Variants in CHD1L observed in about 807,000 individuals in gnomAD.
The protein encoded by CHD1L is chromodomain helicase DNA binding protein 1 like.
In CHD1L, 118 loss-of-function variants were observed where a neutral mutation model predicts 115.9. The ratio of observed to expected loss-of-function variants is 1.02; its 90% CI spans 0.88 to 1.19. The LOEUF is 1.19. Ranked by LOEUF, CHD1L falls within the 50% of genes most tolerant of loss-of-function variation. The probability of loss-of-function intolerance (pLI) is 0.00; values close to 1 mark genes in which losing one functional copy is unlikely to be tolerated. For missense variants in CHD1L, 1,179 were observed against 1,065.3 expected, an observed-to-expected ratio of 1.11 and a Z score of -1.49; for synonymous variants, 411 against 387.1, an observed-to-expected ratio of 1.06 and a Z score of -0.72.
At chr1:147,204,984 AC>A in the CHD1L span, 12 of 1,077,916 alleles carry the variant, frequency 1.1e-5, no homozygotes, top group Non-Finnish European at 1.6e-5. Context: ...CCGCGGAGGA[AC>A]CAAAGGTTTT....
chr1:147,279,301 C>T (rs904505963), intron 14 of CHD1L, among the ~76,000 whole-genome samples: 5 of 152,080 alleles, frequency 3.3e-5, no homozygotes, highest in African/African-American at 9.7e-5. Flanking sequence ...TTAGTGCTTA[C>T]GGAGGTGCAA....
intron 8 of CHD1L, among the ~76,000 whole-genome samples, chr1:147,266,972 C>T (rs1475394154): frequency 3.3e-5 from 5 of 152,084 alleles, no homozygotes; most frequent in East Asian, 1.9e-4. Flanking sequence ...CCATGGTTTC[C>T]AATATCCACT....
chr1:147,234,505 C>T, the CHD1L span, among the ~76,000 whole-genome samples: 27 of 152,308 alleles, frequency 1.8e-4, no homozygotes, highest in African/African-American at 4.8e-4. Context: ...TGTCCTAAGC[C>T]GCAGAACCTG....
At chr1:147,184,595 A>T in the CHD1L span, 738 of 1,548,408 alleles carry the variant, frequency 4.8e-4, 7 homozygotes, top group Middle Eastern at 4.5e-3. This position sits in a 1 kb window ranked among gnomAD's most constrained non-coding sequence, Gnocchi z 4.4. Context: ...AATATTCTTC[A>T]ACTTGGGTTT....
At chr1:147,277,796 A>G (rs1457095118) in intron 14 of CHD1L, among the ~76,000 whole-genome samples, 1 of 152,166 alleles carries the variant, frequency 6.6e-6, no homozygotes, top group Non-Finnish European at 1.5e-5. Context: ...TAAGAGAGAG[A>G]AGGTCACTGC....
chr1:147,193,109 G>T, the CHD1L span, among the ~76,000 whole-genome samples: 2 of 152,094 alleles, frequency 1.3e-5, no homozygotes, highest in East Asian at 3.9e-4. Flanking sequence ...TGTACCTCTG[G>T]TAGAATTCGG....
chr1:147,264,467 A>G lies in CHD1L; in HGVS notation c.622A>G (p.Asn208Asp). ...CCTGTTGACCGGAACTCCCATCCAG[A>G]ACAGCCTCCAAGAGCTCTACTCCCT... ...SLLLTGTPIQNSLQELYSLLS... is the reference protein window; with the variant it reads ...SLLLTGTPIQDSLQELYSLLS... The change falls in exon 7 of 23, where the codon AAC becomes GAC. Residue 208 changes from asparagine (N) to aspartate (D), a missense_variant. Physicochemically the swap from Asn to Asp is conservative, Grantham distance 23. Transcript: ENST00000369258. 6.2e-7 allele frequency: 1 copy of G among 1,613,746 alleles called. No homozygotes were observed. The highest frequency in any genetic ancestry group is 8.5e-7 in the Non-Finnish European group (1 of 1,179,818).
At chr1:147,193,362 T>G in the CHD1L span, among the ~76,000 whole-genome samples, 1 of 152,274 alleles carries the variant, frequency 6.6e-6, no homozygotes, top group Non-Finnish European at 1.5e-5. Context: ...GATATCCCCT[T>G]TATCATTTTT....
chr1:147,290,804 A>G (rs1229180114), intron 19 of CHD1L, among the ~76,000 whole-genome samples: 3 of 151,726 alleles, frequency 2.0e-5, no homozygotes, highest in South Asian at 2.1e-4. Context: ...CAGGTTCACA[A>G]CACCAAACCT....
At chr1:147,258,582 ACTCT>A (rs1453508665) in intron 5 of CHD1L, among the ~76,000 whole-genome samples, 2 of 151,950 alleles carry the variant, frequency 1.3e-5, no homozygotes, top group Non-Finnish European at 2.9e-5. Flanking sequence ...GACTTCCTGC[ACTCT>A]CTTTGGACCC....
intron 19 of CHD1L, 36 bp downstream of exon 19, chr1:147,287,769 A>G: frequency 6.4e-7 from 1 of 1,564,922 alleles, no homozygotes; most frequent in Non-Finnish European, 8.8e-7. Flanking sequence ...TTAAGGGTGG[A>G]ATAAGAGAGA....
chr1:147,287,965 A>T (rs747378436), intron 19 of CHD1L, among the ~76,000 whole-genome samples: 2 of 152,004 alleles, frequency 1.3e-5, no homozygotes, highest in Admixed American at 1.3e-4. Context: ...TGCCTACTTC[A>T]TAGAACTGTA....
intron 12 of CHD1L, among the ~76,000 whole-genome samples, chr1:147,274,858 TATA>T (rs1235345653): frequency 2.6e-5 from 4 of 152,016 alleles, no homozygotes; most frequent in Non-Finnish European, 5.9e-5. Flanking sequence ...TGCTCAGGAG[TATA>T]ATATCATCCA....
At chr1:147,232,822 G>A in the CHD1L span, among the ~76,000 whole-genome samples, 2 of 152,196 alleles carry the variant, frequency 1.3e-5, no homozygotes, top group Admixed American at 6.5e-5. Flanking sequence ...CCAGGCTGGA[G>A]TGCAGTGGCG....
the CHD1L span, chr1:147,212,406 TG>T: frequency 6.2e-7 from 1 of 1,614,058 alleles, no homozygotes; most frequent in Non-Finnish European, 8.5e-7. Context: ...CTTGGCTGTT[TG>T]GCTAATCTCT....
At chr1:147,199,446 T>G in the CHD1L span, among the ~76,000 whole-genome samples, 2 of 152,212 alleles carry the variant, frequency 1.3e-5, no homozygotes, top group African/African-American at 2.4e-5. Context: ...GAATTAGCAC[T>G]AGGCTTCTGC....
At chr1:147,288,079 CT>C (rs1410799941) in intron 19 of CHD1L, among the ~76,000 whole-genome samples, 1 of 151,976 alleles carries the variant, frequency 6.6e-6, no homozygotes, top group Non-Finnish European at 1.5e-5. Context: ...TAATCCCAGA[CT>C]TTGGGAGGCT....
In CHD1L at chr1:147,262,616, T is replaced by C. The variant is rs587645226; in HGVS notation, c.577-1806T>C. Reference sequence around the variant, plus strand: ...AACTGATGATTGGAAACATTACTTTTGACAAGTTCCCATACTTGAAATACT... The same window carrying C: ...AACTGATGATTGGAAACATTACTTTCGACAAGTTCCCATACTTGAAATACT... On this transcript the variant is annotated intron_variant, in intron 6 of 22. Coordinates refer to ENST00000369258, the MANE Select transcript of CHD1L (RefSeq NM_004284.6). Among the ~76,000 whole-genome samples, 3 of 152,204 alleles carry C rather than the reference T, an allele frequency of 2.0e-5. No individual in the cohort carries two copies. The East Asian group carries it at 5.8e-4, about 29-fold the overall frequency.
At chr1:147,276,288 G>A in intron 14 of CHD1L, 31 bp downstream of exon 14, 1 of 1,611,410 alleles carries the variant, frequency 6.2e-7, no homozygotes, top group Non-Finnish European at 8.5e-7. Flanking sequence ...CTTCACTTTG[G>A]AATATACCAA....
Sources: gnomAD v4.1 joint callset for allele counts (sites outside exome capture counted in the v4.1 genomes callset) on GRCh38, gnomAD v4.1.1 for gene constraint, Gnocchi (gnomAD v3.1) non-coding constraint, MANE v1.5 for transcripts, NCBI Gene and HGNC (gene_info 2026-07-23, HGNC 2026-07-21) for gene names.